The following RFX2 variants were observed in gnomAD, a reference collection of about 807,000 sequenced individuals.
RFX2 encodes the protein regulatory factor X2.
Under a neutral mutation model 87.8 loss-of-function variants are expected in RFX2, and 20 were observed. That is an observed-to-expected ratio of 0.23 (90% CI 0.16 to 0.33). The LOEUF is 0.33. Among genes scored for constraint, RFX2 ranks in the 10% least tolerant of loss-of-function variants. The probability of loss-of-function intolerance (pLI) is 1.00; values close to 1 mark genes in which losing one functional copy is unlikely to be tolerated. For missense variants in RFX2, 767 were observed against 1,012.3 expected, an observed-to-expected ratio of 0.76 and a Z score of 3.29; for synonymous variants, 397 against 431.3, an observed-to-expected ratio of 0.92 and a Z score of 0.98.
At chr19:6,078,392 T>C (rs908034032) in intron 1 of RFX2, 3 of 151,014 alleles carry the variant, frequency 2.0e-5, no homozygotes, top group Non-Finnish European at 4.4e-5. Context: ...GGCATTAGTT[T>C]AAGTCATAAA....
At chr19:6,035,992 G>A (rs1169979456) in intron 5 of RFX2, among the ~76,000 whole-genome samples, 2 of 152,226 alleles carry the variant, frequency 1.3e-5, no homozygotes, top group Admixed American at 1.3e-4. Flanking sequence ...CCCAGGGTCT[G>A]AGCAGTATGT....
chr19:6,039,040 C>T lies in RFX2; in HGVS notation c.522+940G>A, dbSNP rs974279980. On this transcript the variant is annotated intron_variant, in intron 5 of 17. Coordinates refer to ENST00000303657, the MANE Select transcript of RFX2 (RefSeq NM_000635.4). This position sits in a 1 kb window ranked among gnomAD's most constrained non-coding sequence, Gnocchi z 5.2. ...ATGTGAAACTTAGAGCTTCTTTATT[C>T]ATAATCACCCCAAACTGGAAACCAT... Among the ~76,000 whole-genome samples the T allele has an allele frequency of 2.0e-5, 3 of 152,044 alleles. No homozygotes were observed. The highest frequency in any genetic ancestry group is 7.2e-5 in the African/African-American group (3 of 41,406).
chr19:6,041,344 C>T (rs2087103075), intron 4 of RFX2, among the ~76,000 whole-genome samples: 1 of 152,226 alleles, frequency 6.6e-6, no homozygotes, highest in South Asian at 2.1e-4. Context: ...GGGAGCCATC[C>T]AGGCCAAATG....
intron 1 of RFX2, among the ~76,000 whole-genome samples, chr19:6,073,957 G>A (rs563004905): frequency 3.4e-4 from 51 of 152,180 alleles, no homozygotes; most frequent in Non-Finnish European, 6.8e-4. Flanking sequence ...TGGAAAGTGT[G>A]TGTCTCGTCC....
chr19:6,005,049 G>A lies in RFX2; in HGVS notation c.1403-751C>T, dbSNP rs1022454760. Among the ~76,000 whole-genome samples, 20 of 152,108 alleles carry A rather than the reference G, an allele frequency of 1.3e-4. 1 individual carries two copies. The highest frequency in any genetic ancestry group is 1.2e-4 in the Non-Finnish European group (8 of 68,024). On this transcript the variant is annotated intron_variant, in intron 12 of 17. Transcript: ENST00000303657. ...CAGGAGAATCACTTGAACCCAGGAGGCAAAGACTGCAGTGAGCCTCCTGCA... is the reference window on the plus strand; with the variant it reads ...CAGGAGAATCACTTGAACCCAGGAGACAAAGACTGCAGTGAGCCTCCTGCA...
intron 1 of RFX2, among the ~76,000 whole-genome samples, chr19:6,080,559 C>T (rs753541640): frequency 2.6e-5 from 4 of 152,084 alleles, no homozygotes; most frequent in Non-Finnish European, 4.4e-5. Flanking sequence ...GTGGAGAGGG[C>T]TCCCCTCTTG....
chr19:6,092,105 G>T (rs999883147), intron 1 of RFX2, among the ~76,000 whole-genome samples: 1 of 152,218 alleles, frequency 6.6e-6, no homozygotes, highest in African/African-American at 2.4e-5. Context: ...ATTTAAAATA[G>T]GAGAAAAGCT....
At chr19:6,085,213 A>G (rs554702716) in intron 1 of RFX2, among the ~76,000 whole-genome samples, 1 of 152,310 alleles carries the variant, frequency 6.6e-6, no homozygotes, top group East Asian at 1.9e-4. Flanking sequence ...AAGCAGCTAC[A>G]CTATTTTGCA....
chr19:6,004,443 CACTTAGAAACGGG>C lies in RFX2; in HGVS notation c.1403-158_1403-146del. 1 of 678,676 alleles carries C rather than the reference CACTTAGAAACGGG, an allele frequency of 1.5e-6. No homozygotes were observed. Among genetic ancestry groups the C allele is most frequent in the Admixed American group, 2.2e-5 (1 of 46,498 alleles). The allele number at this position is 678,676 out of a possible 1,614,324, so 42.0% of individuals were successfully genotyped here. A position where few individuals can be genotyped will look rare whatever the true frequency, so the allele number is the denominator to read the frequency against. ...CACACAGGCGACGGGGAACCGAGGA[CACTTAGAAACGGG>C]AAGAACCAGGCATGGCCCAGCGCTG... is the stretch of plus-strand genomic sequence containing the variant. On this transcript the variant is annotated intron_variant, in intron 12 of 17. Transcript: ENST00000303657. The surrounding 1 kb of genome is among the most constrained non-coding windows in gnomAD (Gnocchi z 4.8).
In RFX2 at chr19:6,059,963, G is replaced by GC. The variant is rs553689670; in HGVS notation, c.-8-12460_-8-12459insG. Among the ~76,000 whole-genome samples, 523 of 152,184 alleles carry GC rather than the reference G, an allele frequency of 3.4e-3. 2 individuals are homozygous for GC. The highest frequency in any genetic ancestry group is 0.012 in the African/African-American group (490 of 41,506). On this transcript the variant is annotated intron_variant, in intron 1 of 17. Coordinates refer to ENST00000303657, the MANE Select transcript of RFX2 (RefSeq NM_000635.4). ...ACGATTCTTGTAGTAAAAAGTGATGGGGGGGAGCCTGTGTTCACACATCCA... is the reference window on the plus strand; with the variant it reads ...ACGATTCTTGTAGTAAAAAGTGATGGCGGGGGAGCCTGTGTTCACACATCCA...
chr19:5,995,487 C>A (rs968365009), intron 17 of RFX2, 114 bp downstream of exon 17: 16 of 1,097,900 alleles, frequency 1.5e-5, no homozygotes, highest in East Asian at 1.3e-4. Flanking sequence ...CCCTCACCCC[C>A]CAAGGGGCTG....
At position 6,020,311 on chromosome 19, in the gene RFX2, C is replaced by T. The variant is rs1020511743; in HGVS notation, c.598-4040G>A. The T allele has an allele frequency of 1.3e-5, 2 of 152,220 alleles. No homozygotes were observed. The highest frequency in any genetic ancestry group is 1.3e-4 in the Admixed American group (2 of 15,270). The allele number at this position is 152,220 out of a possible 1,614,324, so 9.4% of individuals were successfully genotyped here. A position where few individuals can be genotyped will look rare whatever the true frequency, so the allele number is the denominator to read the frequency against. On this transcript the variant is annotated intron_variant, in intron 6 of 17. Coordinates refer to ENST00000303657, the MANE Select transcript of RFX2 (RefSeq NM_000635.4). This position sits in a 1 kb window ranked among gnomAD's most constrained non-coding sequence, Gnocchi z 5.3. ...GGCTATTTAAGAGTAGAATCCTTTG[C>T]TTGGGTAATTACGTTGACATTGACA... is the stretch of plus-strand genomic sequence containing the variant.
intron 1 of RFX2, among the ~76,000 whole-genome samples, chr19:6,104,568 CA>C (rs576267913): frequency 3.7e-3 from 445 of 120,962 alleles, no homozygotes; most frequent in Middle Eastern, 8.8e-3. Flanking sequence ...GACTCCATCT[CA>C]AAAAAAAAAA....
intron 1 of RFX2, among the ~76,000 whole-genome samples, chr19:6,059,107 G>A (rs765337876): frequency 2.0e-5 from 3 of 151,926 alleles, no homozygotes; most frequent in Non-Finnish European, 4.4e-5. Flanking sequence ...AGCCAACCGA[G>A]TAGCTGGAAC....
intron 1 of RFX2, chr19:6,078,251 T>G (rs1354039494): frequency 1.3e-5 from 2 of 151,166 alleles, no homozygotes; most frequent in Non-Finnish European, 2.9e-5. Flanking sequence ...GAAAATGTTC[T>G]GTGAAGATAG....
Position 6,063,216 on chromosome 19 carries a change from C to T in RFX2, c.-8-15712G>A, listed in dbSNP as rs2087464698. Among the ~76,000 whole-genome samples the T allele has an allele frequency of 6.6e-6, 1 of 152,196 alleles. No homozygotes were observed. The highest frequency in any genetic ancestry group is 1.9e-4 in the East Asian group (1 of 5,192). On this transcript the variant is annotated intron_variant, in intron 1 of 17. Transcript: ENST00000303657. The surrounding 1 kb of genome is among the most constrained non-coding windows in gnomAD (Gnocchi z 4.0). ...GGAGTGTTTAAATGAGATGTCCACACAACCCCCAAGGACCCTCTGATTCCA... is the reference window on the plus strand; with the variant it reads ...GGAGTGTTTAAATGAGATGTCCACATAACCCCCAAGGACCCTCTGATTCCA...
intron 1 of RFX2, among the ~76,000 whole-genome samples, chr19:6,103,283 A>G (rs1007486302): frequency 6.6e-6 from 1 of 152,244 alleles, no homozygotes; most frequent in African/African-American, 2.4e-5. Context: ...TGTACTTTTT[A>G]GAAAGTCATG....
chr19:6,008,021 G>T, intron 10 of RFX2, 85 bp downstream of exon 10: 1 of 1,042,718 alleles, frequency 9.6e-7, no homozygotes, highest in Non-Finnish European at 1.5e-6. Context: ...CAGCTCCTCA[G>T]CGTCACCCGG....
Position 6,004,424 on chromosome 19 carries a change from G to A in RFX2, c.1403-126C>T. 1.3e-6 allele frequency: 1 copy of A among 770,490 alleles called. No individual in the cohort carries two copies. The highest frequency in any genetic ancestry group is 2.3e-6 in the Non-Finnish European group (1 of 439,830). The allele number at this position is 770,490 out of a possible 1,614,324, so 47.7% of individuals were successfully genotyped here. A position where few individuals can be genotyped will look rare whatever the true frequency, so the allele number is the denominator to read the frequency against. ...ACCACCATGAAGAACGAGCCACACA[G>A]GCGACGGGGAACCGAGGACACTTAG... On this transcript the variant is annotated intron_variant, in intron 12 of 17. Transcript: ENST00000303657. The surrounding 1 kb of genome is among the most constrained non-coding windows in gnomAD (Gnocchi z 4.8).
Sources: allele counts gnomAD v4.1 joint callset (sites outside exome capture counted in the v4.1 genomes callset), GRCh38; gene constraint gnomAD v4.1.1; non-coding constraint Gnocchi (gnomAD v3.1); transcripts MANE v1.5; gene names NCBI Gene and HGNC (gene_info 2026-07-23, HGNC 2026-07-21).